KCNJ4: variants seen among roughly 807,000 people sequenced by gnomAD.
The protein encoded by KCNJ4 is inward rectifier potassium channel 4.
Under a neutral mutation model 25.6 loss-of-function variants are expected in KCNJ4, and 3 were observed. That is an observed-to-expected ratio of 0.12 (90% CI 0.05 to 0.30). The LOEUF is 0.30. Ranked by LOEUF, KCNJ4 falls within the 10% of genes least tolerant of loss-of-function variation. The pLI, the probability that KCNJ4 is intolerant of heterozygous loss-of-function variation, is 1.00. For missense variants in KCNJ4, 286 were observed against 666.8 expected (o/e 0.43, Z 6.29); for synonymous variants, 257 against 283.9 (o/e 0.91, Z 0.95).
chr22:38,447,150 AG>A (rs1313663554), intron 1 of KCNJ4, among the ~76,000 whole-genome samples: 1 of 151,360 alleles, frequency 6.6e-6, no homozygotes, highest in East Asian at 1.9e-4. Context: ...GGGGTAGGGG[AG>A]GGGGAGGTGG....
intron 1 of KCNJ4, among the ~76,000 whole-genome samples, chr22:38,447,787 C>T (rs972645147): frequency 1.3e-5 from 2 of 152,150 alleles, no homozygotes; most frequent in African/African-American, 2.4e-5. Flanking sequence ...CCCTCCCGTC[C>T]GGGTGCAGTG....
intron 1 of KCNJ4, among the ~76,000 whole-genome samples, chr22:38,434,514 T>C (rs1279148858): frequency 6.6e-6 from 1 of 150,680 alleles, no homozygotes; most frequent in Non-Finnish European, 1.5e-5. Context: ...TGCCGGGGGG[T>C]TGAGGGGTGA....
intron 1 of KCNJ4, among the ~76,000 whole-genome samples, chr22:38,445,064 C>T (rs147593647): frequency 6.6e-6 from 1 of 150,500 alleles, no homozygotes; most frequent in Non-Finnish European, 1.5e-5. Flanking sequence ...TGCGTGCATG[C>T]GTGTGTGTGC....
rs1034858930 is a variant in KCNJ4 at position 38,449,519 on chromosome 22, C to CACGCAT, written c.-40+5455_-40+5460dup. On this transcript the variant is annotated intron_variant, in intron 1 of 1. Transcript: ENST00000303592. This position sits in a 1 kb window ranked among gnomAD's most constrained non-coding sequence, Gnocchi z 5.2. ...CGGCACCAGCCATCTGAGCAGCCCT[C>CACGCAT]ACGCATGCGCATGCGTGTGTGCCTG... Among the ~76,000 whole-genome samples, 2 of 152,216 alleles carry CACGCAT rather than the reference C, an allele frequency of 1.3e-5. No homozygotes were observed. The highest frequency in any genetic ancestry group is 4.8e-5 in the African/African-American group (2 of 41,460).
rs767282029 is a variant in KCNJ4 at position 38,428,096 on chromosome 22, G to A, written c.37C>T (p.Pro13Ser). The change falls in exon 2 of 2, where the codon CCC (proline) becomes TCC (serine). Residue 13 changes from proline (P) to serine (S), a missense_variant. Physicochemically the swap from Pro to Ser is moderately conservative, Grantham distance 74. Coordinates refer to ENST00000303592, the MANE Select transcript of KCNJ4 (RefSeq NM_152868.3). ...AAGCGGTTGCGGCGCTTCCGCCGGG[G>A]CACGTGGGCCTGGCCGTTGCGGCTG... ...GHSRNGQAHV[P>S]RRKRRNRFVK... The A allele has an allele frequency of 6.2e-7, 1 of 1,613,462 alleles. No homozygotes were observed. Among genetic ancestry groups the A allele is most frequent in the Non-Finnish European group, 8.5e-7 (1 of 1,179,738 alleles).
intron 1 of KCNJ4, among the ~76,000 whole-genome samples, chr22:38,433,377 C>T (rs1263053291): frequency 5.9e-5 from 9 of 152,110 alleles, no homozygotes; most frequent in South Asian, 2.1e-4. Context: ...ACCTGGGAGG[C>T]GGAGGTTGCA....
intron 1 of KCNJ4, among the ~76,000 whole-genome samples, chr22:38,433,164 T>A (rs1310588485): frequency 6.6e-6 from 1 of 152,130 alleles, no homozygotes; most frequent in Non-Finnish European, 1.5e-5. Flanking sequence ...AAATTTATTA[T>A]TGGCCGGGTG....
intron 1 of KCNJ4, among the ~76,000 whole-genome samples, chr22:38,448,560 G>A (rs1193994127): frequency 1.3e-5 from 2 of 152,158 alleles, no homozygotes; most frequent in African/African-American, 2.4e-5. Context: ...TGGGGAGAAG[G>A]AGCTTAAAGA....
chr22:38,426,625 TG>T lies in KCNJ4; in HGVS notation c.*169del. 2 of 828,742 alleles carry T rather than the reference TG, an allele frequency of 2.4e-6. No homozygotes were observed. Among genetic ancestry groups the T allele is most frequent in the Non-Finnish European group, 3.8e-6 (2 of 526,158 alleles). The allele number at this position is 828,742 out of a possible 1,614,324, so 51.3% of individuals were successfully genotyped here. On this transcript the variant is annotated 3_prime_UTR_variant, in exon 2 of 2. Coordinates refer to ENST00000303592, the MANE Select transcript of KCNJ4 (RefSeq NM_152868.3). ...ATCGGGGCCGAGCTCTTCCCAGGCC[TG>T]GGTGCTGGAGTCAGGAGGAAGGGGT...
chr22:38,442,515 C>A (rs1158284917), intron 1 of KCNJ4, among the ~76,000 whole-genome samples: 1 of 142,354 alleles, frequency 7.0e-6, no homozygotes, highest in Non-Finnish European at 1.5e-5. Flanking sequence ...CCACTGCACT[C>A]CAGCCTGGGT....
chr22:38,435,695 GAAA>G (rs768666777), intron 1 of KCNJ4, among the ~76,000 whole-genome samples: 3 of 134,518 alleles, frequency 2.2e-5, no homozygotes. Flanking sequence ...TCTGTCTCGG[GAAA>G]AAAAAAAAAA....
At chr22:38,448,233 C>T (rs1424741702) in intron 1 of KCNJ4, among the ~76,000 whole-genome samples, 3 of 141,520 alleles carry the variant, frequency 2.1e-5, no homozygotes, top group East Asian at 2.0e-4. Flanking sequence ...GTGACAAGAG[C>T]GAAACTCCGT....
At chr22:38,445,133 G>A (rs1027265071) in intron 1 of KCNJ4, among the ~76,000 whole-genome samples, 2 of 152,054 alleles carry the variant, frequency 1.3e-5, no homozygotes, top group African/African-American at 4.8e-5. Flanking sequence ...GCAAGCAGGA[G>A]GGCACAAGGA....
chr22:38,428,224 G>A (rs543949928), intron 1 of KCNJ4, 53 bp from the exon 2 acceptor site: 46 of 1,473,222 alleles, frequency 3.1e-5, no homozygotes, highest in South Asian at 9.2e-5. Flanking sequence ...GGGCTCCCTC[G>A]GGGCCACTCA....
chr22:38,431,587 G>GA (rs1442720217), intron 1 of KCNJ4, among the ~76,000 whole-genome samples: 1 of 152,168 alleles, frequency 6.6e-6, no homozygotes, highest in African/African-American at 2.4e-5. Flanking sequence ...AGCTTAGCAG[G>GA]AAAGCTGCTT....
intron 1 of KCNJ4, among the ~76,000 whole-genome samples, chr22:38,446,043 C>T (rs1222162046): frequency 2.0e-5 from 3 of 152,152 alleles, no homozygotes; most frequent in Admixed American, 6.5e-5. Context: ...ATTTTTTCCC[C>T]GGGTCTTTTA....
chr22:38,442,434 C>T (rs986259360), intron 1 of KCNJ4, among the ~76,000 whole-genome samples: 3 of 151,148 alleles, frequency 2.0e-5, no homozygotes, highest in Non-Finnish European at 2.9e-5. Context: ...GTAGTCCCAG[C>T]TACTCGGGAG....
rs139680469 is a variant in KCNJ4 at position 38,449,266 on chromosome 22, C to T, written c.-40+5714G>A. 2.4e-3 allele frequency among the ~76,000 whole-genome samples: 372 copies of T among 152,278 alleles called. 4 individuals are homozygous for T. The highest frequency in any genetic ancestry group is 8.6e-3 in the African/African-American group (356 of 41,548). On this transcript the variant is annotated intron_variant, in intron 1 of 1. Coordinates refer to ENST00000303592, the MANE Select transcript of KCNJ4 (RefSeq NM_152868.3). This position sits in a 1 kb window ranked among gnomAD's most constrained non-coding sequence, Gnocchi z 5.2. ...CCTGGAGGGGCTGGCACTGGGTGCACAGTAGGACAAAGCATCTGTGGCTGT... is the reference window on the plus strand; with the variant it reads ...CCTGGAGGGGCTGGCACTGGGTGCATAGTAGGACAAAGCATCTGTGGCTGT...
chr22:38,430,730 C>A (rs903589460), intron 1 of KCNJ4, among the ~76,000 whole-genome samples: 6 of 152,184 alleles, frequency 3.9e-5, no homozygotes, highest in Non-Finnish European at 8.8e-5. Context: ...TCAGGGAGGC[C>A]TTTCTTTGCT....
Sources: gnomAD v4.1 joint callset for allele counts (sites outside exome capture counted in the v4.1 genomes callset) on GRCh38, gnomAD v4.1.1 for gene constraint, Gnocchi (gnomAD v3.1) non-coding constraint, MANE v1.5 for transcripts, NCBI Gene and HGNC (gene_info 2026-07-23, HGNC 2026-07-21) for gene names.